PCDH11X: variants seen among roughly 807,000 people sequenced by gnomAD.
PCDH11X encodes the protein protocadherin-11 X-linked.
PCDH11X carries 18 observed loss-of-function variants against 53.3 expected under a neutral mutation model. The ratio of observed to expected loss-of-function variants is 0.34; its 90% CI spans 0.23 to 0.50. The LOEUF (loss-of-function observed/expected upper bound fraction) is 0.50, where lower values mean the gene tolerates loss of function less well. Among genes scored for constraint, PCDH11X ranks in the 20% least tolerant of loss-of-function variants. PCDH11X has a pLI of 0.98. For synonymous variants in PCDH11X, 279 were observed against 393.3 expected, an observed-to-expected ratio of 0.71 and a Z score of 3.44; for missense variants, 570 against 1,032.4, an observed-to-expected ratio of 0.55 and a Z score of 6.14.
intron 10 of PCDH11X, among the ~76,000 whole-genome samples, chrX:92,531,023 A>G (rs867954085): frequency 4.5e-5 from 5 of 110,261 alleles, no homozygotes; most frequent in South Asian, 3.8e-4. Context: ...TGAAGCTCCC[A>G]CATGTGAGAA....
chrX:91,836,916 A>C, intron 5 of PCDH11X, among the ~76,000 whole-genome samples: 1 of 110,482 alleles, frequency 9.1e-6, no homozygotes, highest in Middle Eastern at 4.6e-3. Context: ...GATAACTCAG[A>C]TTTGGGTATG....
At chrX:91,808,687 C>T (rs914924505) in intron 1 of PCDH11X, among the ~76,000 whole-genome samples, 2 of 109,392 alleles carry the variant, frequency 1.8e-5, no homozygotes, top group South Asian at 4.0e-4. Context: ...TAAGGCACTC[C>T]CCTGGGACAT....
In PCDH11X at chrX:91,850,582, C is replaced by T. The variant is rs547576007; in HGVS notation, c.540+14538C>T. The stretch of plus-strand genomic sequence containing the variant: ...CTCAATTATCATCCTTTTATCATAG[C>T]AACTTATCAATGTTACAAAACGTTT... On this transcript the variant is annotated intron_variant, in intron 5 of 10. Coordinates refer to ENST00000682573, the MANE Select transcript of PCDH11X (RefSeq NM_032968.5). 1.4e-3 allele frequency among the ~76,000 whole-genome samples: 156 copies of T among 111,675 alleles called. 3 individuals are homozygous for T. In the South Asian group the frequency reaches 0.039, roughly 28 times the overall value.
At chrX:92,464,269 C>A (rs1475358212) in intron 9 of PCDH11X, among the ~76,000 whole-genome samples, 1 of 111,209 alleles carries the variant, frequency 9.0e-6, no homozygotes, top group Admixed American at 9.6e-5. Flanking sequence ...TGTCCCCACC[C>A]AAATCTGATC....
At chrX:91,890,577 A>G (rs1206318586) in intron 6 of PCDH11X, among the ~76,000 whole-genome samples, 1 of 111,272 alleles carries the variant, frequency 9.0e-6, no homozygotes, top group East Asian at 2.8e-4. Context: ...ACACAAATAA[A>G]GACAAATTTG....
intron 8 of PCDH11X, among the ~76,000 whole-genome samples, chrX:92,375,166 A>ATATATAT (rs1302181048): frequency 1.2e-4 from 1 of 8,261 alleles, no homozygotes; most frequent in African/African-American, 6.2e-4. Context: ...ATATATATAT[A>ATATATAT]TTTTTTTTTT....
chrX:92,293,526 A>G (rs1257277014), intron 8 of PCDH11X, among the ~76,000 whole-genome samples: 1 of 108,111 alleles, frequency 9.2e-6, no homozygotes, highest in Non-Finnish European at 1.9e-5. Flanking sequence ...CGGGAGGCTG[A>G]GGCAGGAGAA....
intron 1 of PCDH11X, chrX:91,797,954 G>A (rs1242047482): frequency 9.0e-6 from 1 of 111,539 alleles, no homozygotes; most frequent in Non-Finnish European, 1.9e-5. Flanking sequence ...GATGAACACA[G>A]ATGCATTTGC....
chrX:91,807,203 G>T (rs1401548749), intron 1 of PCDH11X, among the ~76,000 whole-genome samples: 1 of 99,795 alleles, frequency 1.0e-5, no homozygotes, highest in African/African-American at 3.7e-5. Context: ...AAAAAAATTA[G>T]CCAGGTCTGT....
At position 92,559,639 on chromosome X, in the gene PCDH11X, A is replaced by G. The variant is rs775929219; in HGVS notation, c.3368-58625A>G. ...TGTGGTGCAGAAAGAGAAACTGTGCACTTTAGGGAGGAATATTGCAGTGAC... is the reference window on the plus strand; with the variant it reads ...TGTGGTGCAGAAAGAGAAACTGTGCGCTTTAGGGAGGAATATTGCAGTGAC... On this transcript the variant is annotated intron_variant, in intron 10 of 10. Coordinates refer to ENST00000682573, the MANE Select transcript of PCDH11X (RefSeq NM_032968.5). Among the ~76,000 whole-genome samples the G allele has an allele frequency of 3.6e-5, 4 of 111,370 alleles. No individual in the cohort carries two copies. In the South Asian group the frequency reaches 1.5e-3, roughly 43 times the overall value.
intron 9 of PCDH11X, among the ~76,000 whole-genome samples, chrX:92,422,067 G>A (rs2071980167): frequency 9.2e-6 from 1 of 108,463 alleles, no homozygotes; most frequent in African/African-American, 3.4e-5. Context: ...CTACTTATTA[G>A]ACAGTGATTT....
chrX:92,070,120 G>T (rs2063675643), intron 6 of PCDH11X, among the ~76,000 whole-genome samples: 1 of 110,673 alleles, frequency 9.0e-6, no homozygotes. Flanking sequence ...GTCTTATTTT[G>T]CTGTGTCTTG....
At chrX:92,435,726 G>C (rs1388679792) in intron 9 of PCDH11X, among the ~76,000 whole-genome samples, 1 of 111,289 alleles carries the variant, frequency 9.0e-6, no homozygotes, top group Non-Finnish European at 1.9e-5. Flanking sequence ...GTCCTTTTAA[G>C]ATAAGCAAAT....
intron 6 of PCDH11X, among the ~76,000 whole-genome samples, chrX:92,130,178 C>T (rs962435969): frequency 4.5e-5 from 5 of 110,844 alleles, no homozygotes; most frequent in African/African-American, 1.6e-4. Flanking sequence ...AAAAATTTGG[C>T]ACATATTGAC....
chrX:92,291,139 G>A (rs1211440682), intron 8 of PCDH11X, among the ~76,000 whole-genome samples: 1 of 106,960 alleles, frequency 9.3e-6, no homozygotes, highest in Non-Finnish European at 1.9e-5. Context: ...GGAACTCCTG[G>A]GCTCAAATGA....
At chrX:92,584,300 T>C (rs1178332955) in intron 10 of PCDH11X, among the ~76,000 whole-genome samples, 3 of 110,897 alleles carry the variant, frequency 2.7e-5, no homozygotes, top group African/African-American at 9.8e-5. Context: ...AAAACAAATA[T>C]TTAAGAAAAT....
chrX:91,841,688 G>A (rs940911179), intron 5 of PCDH11X, among the ~76,000 whole-genome samples: 12 of 110,855 alleles, frequency 1.1e-4, no homozygotes, highest in African/African-American at 3.9e-4. Flanking sequence ...AGATCTAATT[G>A]TCTTTAACAA....
At chrX:92,287,335 C>T (rs894792738) in intron 8 of PCDH11X, among the ~76,000 whole-genome samples, 2 of 111,209 alleles carry the variant, frequency 1.8e-5, no homozygotes, top group Non-Finnish European at 3.8e-5. Flanking sequence ...TCTCCCTCCC[C>T]TTGTCCACCA....
intron 7 of PCDH11X, among the ~76,000 whole-genome samples, chrX:92,203,034 G>A (rs756411569): frequency 6.3e-5 from 7 of 111,076 alleles, no homozygotes; most frequent in Non-Finnish European, 1.3e-4. Flanking sequence ...AAAAAAAGAA[G>A]GGGGGTTAGA....
Sources: allele counts gnomAD v4.1 joint callset (sites outside exome capture counted in the v4.1 genomes callset), GRCh38; gene constraint gnomAD v4.1.1; transcripts MANE v1.5; gene names NCBI Gene and HGNC (gene_info 2026-07-23, HGNC 2026-07-21).